Variants in LAMA3 observed in about 807,000 individuals in gnomAD.
The protein encoded by LAMA3 is laminin subunit alpha-3.
In LAMA3, 281 loss-of-function variants were observed where a neutral mutation model predicts 402.0. The ratio of observed to expected loss-of-function variants is 0.70; its 90% CI spans 0.63 to 0.77. The LOEUF (loss-of-function observed/expected upper bound fraction) is 0.77, where lower values mean the gene tolerates loss of function less well. LAMA3 is among the 30% of genes least tolerant of loss of function. The pLI, the probability that LAMA3 is intolerant of heterozygous loss-of-function variation, is 0.00. For missense variants in LAMA3, 3,840 were observed against 4,215.5 expected (o/e 0.91, Z 2.47); for synonymous variants, 1,431 against 1,558.4 (o/e 0.92, Z 1.93).
chr18:23,735,377 A>G (rs1461108458), intron 2 of LAMA3, among the ~76,000 whole-genome samples: 1 of 152,180 alleles, frequency 6.6e-6, no homozygotes, highest in Non-Finnish European at 1.5e-5. Flanking sequence ...TCTCCACAGG[A>G]AGAAGTTGTT....
At chr18:23,716,962 T>A (rs1237718475) in intron 2 of LAMA3, among the ~76,000 whole-genome samples, 1 of 152,240 alleles carries the variant, frequency 6.6e-6, no homozygotes, top group Non-Finnish European at 1.5e-5. Context: ...GCAGTCGTAT[T>A]TTTTATTTAA....
intron 41 of LAMA3, among the ~76,000 whole-genome samples, chr18:23,889,066 T>C (rs1169376033): frequency 6.6e-6 from 1 of 152,142 alleles, no homozygotes; most frequent in Admixed American, 6.5e-5. Context: ...CTGTAACTGC[T>C]CTCAGTTGTT....
At chr18:23,707,583 T>C (rs1306991991) in intron 1 of LAMA3, among the ~76,000 whole-genome samples, 2 of 152,230 alleles carry the variant, frequency 1.3e-5, no homozygotes, top group Non-Finnish European at 2.9e-5. Flanking sequence ...ACTTTTGCAT[T>C]GTAAATATCT....
chr18:23,766,518 C>G (rs2143785014), intron 8 of LAMA3, among the ~76,000 whole-genome samples: 1 of 152,150 alleles, frequency 6.6e-6, no homozygotes, highest in Admixed American at 6.6e-5. Flanking sequence ...TGGTATGTGT[C>G]TGGGCAAATA....
At chr18:23,738,242 G>A (rs1451575752) in intron 2 of LAMA3, among the ~76,000 whole-genome samples, 1 of 151,828 alleles carries the variant, frequency 6.6e-6, no homozygotes, top group East Asian at 1.9e-4. Context: ...AAGGAGAGGC[G>A]TTTTCTTTGG....
intron 23 of LAMA3, among the ~76,000 whole-genome samples, chr18:23,831,335 C>T (rs1185395246): frequency 1.3e-5 from 2 of 152,208 alleles, no homozygotes; most frequent in Non-Finnish European, 2.9e-5. Flanking sequence ...CTCCCTCTTG[C>T]TCTCTGTTTC....
At chr18:23,725,721 C>T (rs2061289626) in intron 2 of LAMA3, among the ~76,000 whole-genome samples, 1 of 152,334 alleles carries the variant, frequency 6.6e-6, no homozygotes, top group East Asian at 1.9e-4. Flanking sequence ...GTTTTGTCTC[C>T]TCCACCTGGC....
At chr18:23,834,321 C>T (rs938968514) in intron 24 of LAMA3, 61 of 355,254 alleles carry the variant, frequency 1.7e-4, no homozygotes, top group Non-Finnish European at 2.3e-4. Context: ...ACCTCAAAGG[C>T]TGTGTCAAGT....
chr18:23,800,011 T>C (rs1293514614), intron 12 of LAMA3, among the ~76,000 whole-genome samples: 2 of 152,244 alleles, frequency 1.3e-5, no homozygotes, highest in Non-Finnish European at 2.9e-5. Flanking sequence ...ATTTAAATGT[T>C]AATCTCATCT....
intron 30 of LAMA3, among the ~76,000 whole-genome samples, chr18:23,845,807 G>A (rs2063801375): frequency 6.6e-6 from 1 of 152,182 alleles, no homozygotes; most frequent in Non-Finnish European, 1.5e-5. Context: ...ACTTCTAGGA[G>A]CCTCAGTTGC....
intron 25 of LAMA3, chr18:23,837,448 C>T (rs1598890705): frequency 4.5e-6 from 1 of 221,414 alleles, no homozygotes; most frequent in East Asian, 1.2e-4. Context: ...TCTTTTCCAT[C>T]TTACTATTTT....
At chr18:23,941,011 C>T (rs112736883) in intron 68 of LAMA3, among the ~76,000 whole-genome samples, 4 of 151,074 alleles carry the variant, frequency 2.6e-5, no homozygotes, top group Non-Finnish European at 4.4e-5. Context: ...ACTTGGCTCA[C>T]TGCAACTTCC....
At chr18:23,793,499 G>A (rs543239350) in intron 12 of LAMA3, among the ~76,000 whole-genome samples, 3 of 151,970 alleles carry the variant, frequency 2.0e-5, no homozygotes, top group Admixed American at 2.0e-4. Flanking sequence ...GGGGGACAAG[G>A]GAATGGCAGG....
intron 7 of LAMA3, among the ~76,000 whole-genome samples, chr18:23,759,173 C>CA (rs1010745043): frequency 4.6e-5 from 7 of 151,416 alleles, no homozygotes; most frequent in African/African-American, 1.7e-4. Flanking sequence ...ACTCTGTCTA[C>CA]AAAAAATTGA....
rs371302077 is a variant in LAMA3, at chr18:23,714,850, G to A, written c.447+778G>A. On this transcript the variant is annotated intron_variant, in intron 2 of 74. Coordinates refer to ENST00000313654, the MANE Select transcript of LAMA3 (RefSeq NM_198129.4). ...CCCATTCCCCTTTCTCCTGCCGCTC[G>A]CAGCCAACATTCTACTTCTCTTACT... 9.2e-4 allele frequency among the ~76,000 whole-genome samples: 140 copies of A among 152,124 alleles called. 3 individuals are homozygous for A. In the East Asian group the frequency reaches 0.021, roughly 23 times the overall value.
intron 67 of LAMA3, among the ~76,000 whole-genome samples, chr18:23,937,420 A>G (rs1461584706): frequency 6.7e-6 from 1 of 149,318 alleles, no homozygotes; most frequent in Non-Finnish European, 1.5e-5. Context: ...TTCAGGGCAT[A>G]GGCACTAGAA....
At chr18:23,708,691 T>C (rs7234100) in intron 1 of LAMA3, among the ~76,000 whole-genome samples, 8,201 of 152,236 alleles carry the variant, frequency 0.054, 579 homozygotes, top group African/African-American at 0.16. Flanking sequence ...TTGCTAAAAA[T>C]CTCCCAGTAT....
intron 22 of LAMA3, 148 bp downstream of exon 22, chr18:23,826,947 G>C (rs2063394523): frequency 3.0e-6 from 2 of 661,336 alleles, no homozygotes; most frequent in South Asian, 3.6e-5. Context: ...TGTCTTACTT[G>C]TGTTCTTCAA....
At chr18:23,798,629 C>T (rs1252181868) in intron 12 of LAMA3, among the ~76,000 whole-genome samples, 1 of 152,194 alleles carries the variant, frequency 6.6e-6, no homozygotes, top group African/African-American at 2.4e-5. Context: ...GCAGTTTTGC[C>T]TTGAACTGGC....
Sources: gnomAD v4.1 joint callset for allele counts (sites outside exome capture counted in the v4.1 genomes callset) on GRCh38, gnomAD v4.1.1 for gene constraint, MANE v1.5 for transcripts, NCBI Gene and HGNC (gene_info 2026-07-23, HGNC 2026-07-21) for gene names.